PCDHA3: variants seen among roughly 807,000 people sequenced by gnomAD.
PCDHA3 encodes the protein protocadherin alpha-3.
Under a neutral mutation model 62.2 loss-of-function variants are expected in PCDHA3, and 41 were observed. The observed-to-expected ratio is 0.66, with a 90% confidence interval of 0.51 to 0.86. The LOEUF (loss-of-function observed/expected upper bound fraction) is 0.86, where lower values mean the gene tolerates loss of function less well. Among genes scored for constraint, PCDHA3 ranks in the 40% least tolerant of loss-of-function variants. The pLI, the probability that PCDHA3 is intolerant of heterozygous loss-of-function variation, is 0.00. For missense variants in PCDHA3, 1,304 were observed against 1,241.2 expected, an observed-to-expected ratio of 1.05 and a Z score of -0.76; for synonymous variants, 640 against 555.4, an observed-to-expected ratio of 1.15 and a Z score of -2.14.
Position 140,823,155 on chromosome 5 carries a change from C to T in PCDHA3, c.2394+19564C>T, listed in dbSNP as rs142802947. The T allele has an allele frequency of 2.5e-6, 4 of 1,613,730 alleles. No individual in the cohort carries two copies. In the South Asian group the frequency reaches 3.3e-5, roughly 13 times the overall value. ...CGGCGTTCGCGCAGCCCCAGTATACCGTGTTCGTGAAGGAGAACAACCCGC... is the reference window on the plus strand; with the variant it reads ...CGGCGTTCGCGCAGCCCCAGTATACTGTGTTCGTGAAGGAGAACAACCCGC... On this transcript the variant is annotated intron_variant, in intron 1 of 3. Transcript: ENST00000522353.
chr5:140,845,503 C>A lies in PCDHA3; in HGVS notation c.2394+41912C>A, dbSNP rs1485886785. On this transcript the variant is annotated intron_variant, in intron 1 of 3. Transcript: ENST00000522353. ...TGCTTTCACAGTGAGAAAGTCTAAA[C>A]CTATTTCTTGTACATTAATACTTTT... Among the ~76,000 whole-genome samples the A allele has an allele frequency of 3.3e-5, 5 of 149,694 alleles. No homozygotes were observed. In the South Asian group the frequency reaches 8.5e-4, roughly 25 times the overall value.
At chr5:140,820,841 T>C (rs11167609) in intron 1 of PCDHA3, among the ~76,000 whole-genome samples, 1 of 151,748 alleles carries the variant, frequency 6.6e-6, no homozygotes, top group Non-Finnish European at 1.5e-5. Flanking sequence ...TAATAGCAAC[T>C]TGAAGAAATG....
In PCDHA3 at chr5:140,801,932, G is replaced by T; in HGVS notation, c.735G>T (p.Thr245=). The T allele has an allele frequency of 2.5e-6, 4 of 1,614,160 alleles. No homozygotes were observed. The highest frequency in any genetic ancestry group is 3.4e-6 in the Non-Finnish European group (4 of 1,180,034). Reference sequence around the variant, plus strand: ...ACAACGCCCCAGCGTTTGAGAGGACGATCTATAAAGTCAGATTACTCGAAA... The same window carrying T: ...ACAACGCCCCAGCGTTTGAGAGGACTATCTATAAAGTCAGATTACTCGAAA... ...VNDNAPAFER[T]IYKVRLLENA... is the part of the protein sequence containing the mutation. The change falls in exon 1 of 4, where the codon ACG becomes ACT. Residue 245 remains threonine (T), a synonymous_variant. Coordinates refer to ENST00000522353, the MANE Select transcript of PCDHA3 (RefSeq NM_018906.3).
Position 140,883,537 on chromosome 5 carries a change from G to A in PCDHA3, c.2394+79946G>A, listed in dbSNP as rs782001309. 3 of 1,614,238 alleles carry A rather than the reference G, an allele frequency of 1.9e-6. No individual in the cohort carries two copies. The African/African-American group carries it at 4.0e-5, about 22-fold the overall frequency. On this transcript the variant is annotated intron_variant, in intron 1 of 3. Transcript: ENST00000522353. ...GCGAGAGCGTATCAGCCTATGAACT[G>A]GTGGTGACCGCGCGGGACGGGGGCT...
chr5:140,868,889 C>A, intron 1 of PCDHA3: 1 of 744,508 alleles, frequency 1.3e-6, no homozygotes, highest in Non-Finnish European at 2.1e-6. Flanking sequence ...CAGTTTTAGG[C>A]GCAAGGTGTC....
chr5:140,886,552 G>A (rs188986859), intron 1 of PCDHA3, among the ~76,000 whole-genome samples: 132 of 151,712 alleles, frequency 8.7e-4, no homozygotes, highest in Middle Eastern at 3.4e-3. Flanking sequence ...TCCCAGCTGG[G>A]CACGGTGGCT....
rs782799537 is a variant in PCDHA3 at position 140,802,949 on chromosome 5, A to G, written c.1752A>G (p.Ser584=). The part of the protein sequence containing the change: ...GGAVSELVPR[S]VGAGHVVAKV... ...CAGTGAGCGAGCTGGTGCCGCGGTC[A>G]GTGGGTGCGGGCCACGTGGTAGCGA... Residue 584 remains serine (S), a synonymous_variant, in exon 1 of 4, where the codon TCA becomes TCG. Transcript: ENST00000522353. The G allele has an allele frequency of 1.9e-6, 3 of 1,613,910 alleles. No homozygotes were observed. The highest frequency in any genetic ancestry group is 1.3e-5 in the African/African-American group (1 of 75,060).
chr5:141,002,195 A>G (rs2098065094), intron 3 of PCDHA3, among the ~76,000 whole-genome samples: 1 of 152,244 alleles, frequency 6.6e-6, no homozygotes, highest in South Asian at 2.1e-4. Flanking sequence ...CTGGCAAGAT[A>G]GTCCCCGGCT....
chr5:140,843,556 G>A, intron 1 of PCDHA3: 1 of 1,595,980 alleles, frequency 6.3e-7, no homozygotes, highest in Non-Finnish European at 8.6e-7. Context: ...CCAGTGCGGT[G>A]GGGAGCTGGT....
intron 1 of PCDHA3, among the ~76,000 whole-genome samples, chr5:140,837,576 C>T (rs2150276796): frequency 1.3e-5 from 2 of 151,950 alleles, no homozygotes; most frequent in African/African-American, 4.8e-5. Flanking sequence ...TTACAATCAC[C>T]AAATTGTAAA....
chr5:140,825,623 T>G (rs911523247), intron 1 of PCDHA3: 1 of 151,926 alleles, frequency 6.6e-6, no homozygotes, highest in African/African-American at 2.4e-5. Flanking sequence ...GGTTTCACCA[T>G]GTTGGTCATG....
intron 3 of PCDHA3, among the ~76,000 whole-genome samples, chr5:140,999,645 G>C (rs1417751593): frequency 6.6e-6 from 1 of 152,156 alleles, no homozygotes; most frequent in Non-Finnish European, 1.5e-5. Context: ...AAACTGTGCA[G>C]CCTGAGCCCT....
intron 1 of PCDHA3, among the ~76,000 whole-genome samples, chr5:140,972,762 A>G (rs1048509158): frequency 4.7e-5 from 7 of 150,026 alleles, no homozygotes; most frequent in African/African-American, 1.7e-4. Context: ...CTCCCAAGTT[A>G]AAGTGATTCT....
chr5:140,801,978 G>GT lies in PCDHA3; in HGVS notation c.782dup (p.Val262GlyfsTer4). 1.9e-6 allele frequency: 3 copies of GT among 1,614,188 alleles called. No individual in the cohort carries two copies. The highest frequency in any genetic ancestry group is 4.5e-5 in the East Asian group (2 of 44,884). On this transcript the variant is annotated frameshift_variant, in exon 1 of 4. Coordinates refer to ENST00000522353, the MANE Select transcript of PCDHA3 (RefSeq NM_018906.3). LOFTEE classifies it high-confidence loss of function. The stretch of plus-strand genomic sequence containing the variant: ...CGAAAATGCACCAAATGGTACCCTA[G>GT]TGGTGACCGTTAACGCCACCGATTT...
intron 3 of PCDHA3, among the ~76,000 whole-genome samples, chr5:140,994,140 A>G (rs768317904): frequency 7.2e-5 from 11 of 152,230 alleles, no homozygotes; most frequent in Non-Finnish European, 1.5e-4. Context: ...ATAATGCCCT[A>G]CGTAGGTAGG....
intron 1 of PCDHA3, chr5:140,857,579 G>A (rs782552455): frequency 3.1e-6 from 5 of 1,596,586 alleles, no homozygotes; most frequent in East Asian, 2.2e-5. Flanking sequence ...GTCGGTGCAC[G>A]CGGAGAGCGG....
chr5:140,902,866 C>T (rs1449193268), intron 1 of PCDHA3, among the ~76,000 whole-genome samples: 1 of 152,186 alleles, frequency 6.6e-6, no homozygotes, highest in Non-Finnish European at 1.5e-5. Context: ...TCCAGGTCCA[C>T]CCAAGCTGCT....
At chr5:140,997,141 C>T (rs941650589) in intron 3 of PCDHA3, among the ~76,000 whole-genome samples, 6 of 152,088 alleles carry the variant, frequency 3.9e-5, no homozygotes, top group Admixed American at 2.6e-4. Flanking sequence ...CCCACACCCC[C>T]GCCACAGTGA....
rs141975967 is a variant in PCDHA3, at chr5:140,824,104, C to G, written c.2394+20513C>G. The G allele has an allele frequency of 8.2e-5, 132 of 1,614,008 alleles. No homozygotes were observed. Among genetic ancestry groups the G allele is most frequent in the African/African-American group, 2.1e-4 (16 of 74,940 alleles). ...CATGGCCTTCAGTCCAAGCCTTCCTCAGGGTCCCACCTCTACAGACAACGT... is the reference window on the plus strand; with the variant it reads ...CATGGCCTTCAGTCCAAGCCTTCCTGAGGGTCCCACCTCTACAGACAACGT... On this transcript the variant is annotated intron_variant, in intron 1 of 3. Transcript: ENST00000522353.
Sources: gnomAD v4.1 joint callset for allele counts (sites outside exome capture counted in the v4.1 genomes callset) on GRCh38, gnomAD v4.1.1 for gene constraint, MANE v1.5 for transcripts, NCBI Gene and HGNC (gene_info 2026-07-23, HGNC 2026-07-21) for gene names.